The following KLRD1 variants were observed in gnomAD, a reference collection of about 807,000 sequenced individuals.
KLRD1 encodes natural killer cells antigen CD94.
A neutral mutation model predicts 22.6 loss-of-function variants in KLRD1; 21 were observed. That is an observed-to-expected ratio of 0.93 (90% confidence interval 0.66 to 1.34). The LOEUF is 1.34. Ranked by LOEUF, KLRD1 falls within the 40% of genes most tolerant of loss-of-function variation. The probability of loss-of-function intolerance (pLI) is 0.00; values close to 1 mark genes in which losing one functional copy is unlikely to be tolerated. For synonymous variants in KLRD1, 59 were observed against 71.1 expected (o/e 0.83, Z 0.85); for missense variants, 183 against 208.6 (o/e 0.88, Z 0.76).
chr12:10,309,519 TG>T, intron 2 of KLRD1, 39 bp downstream of exon 2: 1 of 1,304,654 alleles, frequency 7.7e-7, no homozygotes, highest in South Asian at 1.2e-5. Context: ...AAATCAAAAC[TG>T]TGAAGACATC....
Position 10,282,357 on chromosome 12 carries a change from A to G in KLRD1, c.-100-25621A>G, listed in dbSNP as rs1342323446. On this transcript the variant is annotated intron_variant, in intron 1 of 5. Transcript: ENST00000544747. Reference sequence around the variant, plus strand: ...CCACAACCTCCGCCTCCCGGCTTCAAGTGATTCTCTTGCTTCAGCCTTCCT... The same window carrying G: ...CCACAACCTCCGCCTCCCGGCTTCAGGTGATTCTCTTGCTTCAGCCTTCCT... Among the ~76,000 whole-genome samples, 3 of 152,048 alleles carry G rather than the reference A, an allele frequency of 2.0e-5. No individual in the cohort carries two copies. The East Asian group carries it at 5.8e-4, about 29-fold the overall frequency.
chr12:10,262,224 A>G (rs10734824), intron 1 of KLRD1, among the ~76,000 whole-genome samples: 121,907 of 151,790 alleles, frequency 0.8, 53,485 homozygotes, highest in Non-Finnish European at 0.98. Flanking sequence ...CCAATTCTTC[A>G]TTATTGGTCT....
chr12:10,311,605 CAG>C lies in KLRD1; in HGVS notation c.307_308del (p.Asp103Ter). The stretch of plus-strand genomic sequence containing the variant: ...TCCAGCCTGCTTCAGCTTCAAAACA[CAG>C]ATGAACTGGCATGTGCTGAGTCTGA... On this transcript the variant is annotated frameshift_variant, in exon 4 of 6. Coordinates refer to ENST00000336164, the MANE Select transcript of KLRD1 (RefSeq NM_002262.5). LOFTEE classifies it high-confidence loss of function. 1 of 1,614,088 alleles carries C rather than the reference CAG, an allele frequency of 6.2e-7. No homozygotes were observed. Among genetic ancestry groups the C allele is most frequent in the Non-Finnish European group, 8.5e-7 (1 of 1,179,934 alleles).
chr12:10,300,140 G>A (rs561575517), upstream of KLRD1, among the ~76,000 whole-genome samples: 3 of 152,224 alleles, frequency 2.0e-5, no homozygotes, highest in East Asian at 5.8e-4. Context: ...TTCCTTCCAT[G>A]AATCATGAAA....
chr12:10,307,898 T>C lies in KLRD1; in HGVS notation c.-180T>C. ...CACACTATAATACATGTCTCACCAA[T>C]AGATGATTCAAGAACATCATTTAAA... On this transcript the variant is annotated 5_prime_UTR_variant, in exon 1 of 6. It removes the in-frame stop codon of an upstream open reading frame in the 5' UTR. Transcript: ENST00000336164. The C allele has an allele frequency of 8.1e-6, 5 of 614,812 alleles. No individual in the cohort carries two copies. The highest frequency in any genetic ancestry group is 5.6e-5 in the East Asian group (2 of 35,978). 38.1% of individuals were successfully genotyped at this position (614,812 alleles called of 1,614,324 possible).
intron 1 of KLRD1, among the ~76,000 whole-genome samples, chr12:10,252,370 G>T (rs1428535793): frequency 1.3e-5 from 2 of 152,062 alleles, no homozygotes; most frequent in African/African-American, 4.8e-5. Flanking sequence ...TGGGCGTGGC[G>T]ATGTGCACCT....
chr12:10,289,198 C>A (rs1029599609), intron 1 of KLRD1, among the ~76,000 whole-genome samples: 1 of 152,106 alleles, frequency 6.6e-6, no homozygotes, highest in African/African-American at 2.4e-5. Context: ...GAATGAGAAC[C>A]CTAAAGGCCA....
In KLRD1 at chr12:10,327,011, T is replaced by A. The variant is rs569644597; in HGVS notation, c.*12218T>A. 1 of 152,238 alleles carries A rather than the reference T, an allele frequency of 6.6e-6. No individual in the cohort carries two copies. Among genetic ancestry groups the A allele is most frequent in the African/African-American group, 2.4e-5 (1 of 41,470 alleles). The allele number at this position is 152,238 out of a possible 1,614,324, so 9.4% of individuals were successfully genotyped here. On this transcript the variant is annotated 3_prime_UTR_variant, in exon 6 of 6. Coordinates refer to ENST00000336164, the MANE Select transcript of KLRD1 (RefSeq NM_002262.5). ...ACCAATGTCAAAAGGTTTTCCTCTA[T>A]GTTTTCTTTGAAGGGCTTTACATTT... is the stretch of plus-strand genomic sequence containing the variant.
chr12:10,296,681 G>A (rs1305514098), intron 1 of KLRD1, among the ~76,000 whole-genome samples: 1 of 152,176 alleles, frequency 6.6e-6, no homozygotes, highest in Non-Finnish European at 1.5e-5. Flanking sequence ...GATTAAAAGA[G>A]AGAGAGAGAA....
At chr12:10,280,005 A>G (rs898687655) in intron 1 of KLRD1, among the ~76,000 whole-genome samples, 1 of 152,222 alleles carries the variant, frequency 6.6e-6, no homozygotes, top group Non-Finnish European at 1.5e-5. Context: ...GACTTTCAAT[A>G]TCTCTTGCAG....
chr12:10,300,268 T>C (rs1321385161), upstream of KLRD1, among the ~76,000 whole-genome samples: 1 of 152,188 alleles, frequency 6.6e-6, no homozygotes, highest in African/African-American at 2.4e-5. Context: ...ATGTATTTCT[T>C]AAATAATATT....
chr12:10,258,096 G>A (rs969049517), intron 1 of KLRD1, among the ~76,000 whole-genome samples: 2 of 151,894 alleles, frequency 1.3e-5, no homozygotes, highest in Admixed American at 6.5e-5. Flanking sequence ...ATTGTAGGGA[G>A]ACAAACTTGC....
At chr12:10,272,611 G>A (rs4764369) in intron 1 of KLRD1, among the ~76,000 whole-genome samples, 119,509 of 152,116 alleles carry the variant, frequency 0.79, 50,845 homozygotes, top group Non-Finnish European at 0.94. Flanking sequence ...TGATGTCTCT[G>A]GTTCCATTGT....
chr12:10,293,500 C>A (rs1949795890), intron 1 of KLRD1, among the ~76,000 whole-genome samples: 1 of 151,982 alleles, frequency 6.6e-6, no homozygotes, highest in East Asian at 1.9e-4. Flanking sequence ...GCCGTCATAA[C>A]ACTTACATTC....
intron 1 of KLRD1, among the ~76,000 whole-genome samples, chr12:10,297,978 C>A (rs1359664495): frequency 6.6e-6 from 1 of 152,222 alleles, no homozygotes; most frequent in East Asian, 1.9e-4. Context: ...TCTCCCTGAT[C>A]AATCCAGAAA....
chr12:10,281,618 G>A (rs1192196050), intron 1 of KLRD1, among the ~76,000 whole-genome samples: 1 of 151,510 alleles, frequency 6.6e-6, no homozygotes, highest in African/African-American at 2.4e-5. Flanking sequence ...ACAAAGAGAG[G>A]AATCATCTAC....
chr12:10,260,567 C>T (rs1335403445), intron 1 of KLRD1, among the ~76,000 whole-genome samples: 2 of 152,070 alleles, frequency 1.3e-5, no homozygotes, highest in African/African-American at 4.8e-5. Context: ...CTTTGGGAGG[C>T]CGAGGTGGGT....
At chr12:10,253,707 A>G (rs536095015) in intron 1 of KLRD1, among the ~76,000 whole-genome samples, 41 of 152,294 alleles carry the variant, frequency 2.7e-4, no homozygotes, top group Non-Finnish European at 5.0e-4. Flanking sequence ...TAAGGATAGT[A>G]GCCCCCAGCT....
Position 10,318,515 on chromosome 12 carries a change from C to T in KLRD1, c.*3722C>T, listed in dbSNP as rs549752303. 6.6e-6 allele frequency: 1 copy of T among 152,242 alleles called. No individual in the cohort carries two copies. The highest frequency in any genetic ancestry group is 2.4e-5 in the African/African-American group (1 of 41,544). The allele number at this position is 152,242 out of a possible 1,614,324, so 9.4% of individuals were successfully genotyped here. On this transcript the variant is annotated 3_prime_UTR_variant, in exon 6 of 6. Coordinates refer to ENST00000336164, the MANE Select transcript of KLRD1 (RefSeq NM_002262.5). The stretch of plus-strand genomic sequence containing the variant: ...GTCCCACACTGCTTGTTTGAATTCT[C>T]TTTCTCATACGGTATCATATTCCTT...
Sources: gnomAD v4.1 joint callset for allele counts (sites outside exome capture counted in the v4.1 genomes callset) on GRCh38, gnomAD v4.1.1 for gene constraint, MANE v1.5 for transcripts, NCBI Gene and HGNC (gene_info 2026-07-23, HGNC 2026-07-21) for gene names.